Variants in LRRC40 observed in about 807,000 individuals in gnomAD.
The protein encoded by LRRC40 is leucine-rich repeat-containing protein 40.
LRRC40 carries 76 observed loss-of-function variants against 72.8 expected under a neutral mutation model. The ratio of observed to expected loss-of-function variants is 1.04; its 90% CI spans 0.87 to 1.26. The LOEUF is 1.26. Ranked by LOEUF, LRRC40 falls within the 50% of genes most tolerant of loss-of-function variation. The pLI is 0.00. For missense variants in LRRC40, 684 were observed against 698.9 expected (o/e 0.98, Z 0.24); for synonymous variants, 243 against 254.2 (o/e 0.96, Z 0.42).
At position 70,205,552 on chromosome 1, in the gene LRRC40, T is replaced by G. The variant is rs754961121; in HGVS notation, c.-12A>C. The G allele has an allele frequency of 1.3e-6, 2 of 1,583,626 alleles. No homozygotes were observed. Among genetic ancestry groups the G allele is most frequent in the East Asian group, 2.3e-5 (1 of 44,150 alleles). ...TTCAGGCGCGACATGTTCAAAGTCC[T>G]AGGTCCAGAAGCTGCAGCCCCACCC... On this transcript the variant is annotated 5_prime_UTR_variant, in exon 1 of 15. Coordinates refer to ENST00000370952, the MANE Select transcript of LRRC40 (RefSeq NM_017768.5).
chr1:70,149,735 G>A (rs1351506437), intron 13 of LRRC40, among the ~76,000 whole-genome samples: 1 of 152,056 alleles, frequency 6.6e-6, no homozygotes, highest in Non-Finnish European at 1.5e-5. Context: ...TAATGGAGCA[G>A]ACAGAAGAAA....
In LRRC40 at chr1:70,159,386, T is replaced by C. The variant is rs17266340; in HGVS notation, c.1164A>G (p.Pro388=). The change falls in exon 10 of 15, where the codon CCA becomes CCG. Residue 388 remains proline (P), a synonymous_variant. Transcript: ENST00000370952. ...ESATETAMTL[P]SESRVNIHAI... ...CATGTATATTGACTCTGGATTCACT[T>C]GGTAGTGTCATGGCAGTCTCAGTAG... 0.041 allele frequency: 64,723 copies of C among 1,596,322 alleles called. 1,552 individuals carry two copies. The highest frequency in any genetic ancestry group is 0.048 in the Non-Finnish European group (55,829 of 1,167,480).
intron 9 of LRRC40, among the ~76,000 whole-genome samples, chr1:70,169,466 T>C (rs1357042750): frequency 1.3e-5 from 2 of 151,110 alleles, no homozygotes; most frequent in African/African-American, 4.9e-5. Context: ...ATTAATGAAA[T>C]AGAGAACAGA....
rs1668911880 is a variant in LRRC40, at chr1:70,205,303, C to T, written c.151+87G>A. 8 of 1,325,652 alleles carry T rather than the reference C, an allele frequency of 6.0e-6. 1 individual carries two copies. Among genetic ancestry groups the T allele is most frequent in the Non-Finnish European group, 8.2e-6 (8 of 978,368 alleles). The allele number at this position is 1,325,652 out of a possible 1,614,324, so 82.1% of individuals were successfully genotyped here. A position where few individuals can be genotyped will look rare whatever the true frequency, so the allele number is the denominator to read the frequency against. ...CTGGCTAGCAGTCTGAGAAAGGGGG[C>T]CAAAGCCAGCCCAGAGAAAAGGGAG... On this transcript the variant is annotated intron_variant, in intron 1 of 14. Transcript: ENST00000370952.
chr1:70,164,346 C>T lies in LRRC40; in HGVS notation c.1112-4908G>A, dbSNP rs559604539. 1.5e-3 allele frequency among the ~76,000 whole-genome samples: 231 copies of T among 151,948 alleles called. 3 individuals carry two copies. The Middle Eastern group carries it at 0.017, about 11-fold the overall frequency. ...CAAAGGTTGCAGTGAGCCGAGATCGCGACATTGCACTCCAACCTGGGCAAC... is the reference window on the plus strand; with the variant it reads ...CAAAGGTTGCAGTGAGCCGAGATCGTGACATTGCACTCCAACCTGGGCAAC... On this transcript the variant is annotated intron_variant, in intron 9 of 14. Transcript: ENST00000370952.
intron 3 of LRRC40, among the ~76,000 whole-genome samples, chr1:70,185,658 C>T (rs1204454392): frequency 6.6e-6 from 1 of 152,170 alleles, no homozygotes; most frequent in Non-Finnish European, 1.5e-5. Flanking sequence ...ACATATACCA[C>T]AATGGAGTTA....
chr1:70,155,711 G>T lies in LRRC40; in HGVS notation c.1306C>A (p.Gln436Lys), dbSNP rs374870819. The change falls in exon 11 of 15, where the codon CAA (glutamine) becomes AAA (lysine). Residue 436 changes from glutamine to lysine, a missense_variant. By Grantham distance (53) the Gln-to-Lys change is moderately conservative. Transcript: ENST00000370952. ...TACCTTTTTGGAATTTCACATAGTT[G>T]ATTCTTACTGAAGTTAATAGAAGTG... ...IVTSINFSKN[Q>K]LCEIPKRMVE... is the part of the protein sequence containing the mutation. 9.7e-6 allele frequency: 15 copies of T among 1,553,456 alleles called. No homozygotes were observed. The African/African-American group carries it at 1.9e-4, about 20-fold the overall frequency.
At chr1:70,197,653 T>C (rs191854841) in intron 1 of LRRC40, among the ~76,000 whole-genome samples, 1 of 150,210 alleles carries the variant, frequency 6.7e-6, no homozygotes, top group Admixed American at 6.7e-5. Flanking sequence ...CAGCTAAATA[T>C]AGAAATGAGG....
chr1:70,156,982 G>GT (rs1416591362), intron 10 of LRRC40, among the ~76,000 whole-genome samples: 5 of 151,998 alleles, frequency 3.3e-5, no homozygotes, highest in African/African-American at 9.7e-5. Flanking sequence ...AGATTTAACT[G>GT]TTTTTTTAAT....
chr1:70,147,600 T>G (rs1057144436), intron 14 of LRRC40, among the ~76,000 whole-genome samples: 1 of 152,098 alleles, frequency 6.6e-6, no homozygotes, highest in Admixed American at 6.5e-5. Flanking sequence ...CCAGAAGCAA[T>G]AGGTCAGTAT....
At chr1:70,162,409 T>C (rs573929145) in intron 9 of LRRC40, among the ~76,000 whole-genome samples, 56 of 152,196 alleles carry the variant, frequency 3.7e-4, no homozygotes, top group African/African-American at 1.3e-3. Context: ...CACCCTAACA[T>C]GGGAACTTGT....
chr1:70,153,016 A>T (rs1482928523), intron 11 of LRRC40, among the ~76,000 whole-genome samples: 1 of 152,182 alleles, frequency 6.6e-6, no homozygotes, highest in Non-Finnish European at 1.5e-5. Context: ...TTTCTAAGTA[A>T]GCCTAATCAA....
chr1:70,162,120 A>AT (rs1667777913), intron 9 of LRRC40, among the ~76,000 whole-genome samples: 1 of 151,882 alleles, frequency 6.6e-6, no homozygotes, highest in African/African-American at 2.4e-5. Context: ...TTAACGTTTG[A>AT]TTTTATTATC....
At chr1:70,193,030 A>T (rs2100339454) in intron 1 of LRRC40, among the ~76,000 whole-genome samples, 1 of 152,238 alleles carries the variant, frequency 6.6e-6, no homozygotes, top group Admixed American at 6.5e-5. Flanking sequence ...AGTTTTAATA[A>T]TTATCAGCAC....
chr1:70,151,071 A>G (rs1308384006), intron 13 of LRRC40, 57 bp downstream of exon 13: 5 of 977,042 alleles, frequency 5.1e-6, no homozygotes, highest in South Asian at 3.2e-5. Flanking sequence ...GTTTTCTCCA[A>G]TGAGAAAGAT....
intron 1 of LRRC40, among the ~76,000 whole-genome samples, chr1:70,193,169 G>A (rs762161411): frequency 1.3e-5 from 2 of 151,750 alleles, no homozygotes; most frequent in Non-Finnish European, 2.9e-5. Context: ...GGAAATCAAT[G>A]AGAGAGAAAC....
At chr1:70,182,279 T>C (rs1668263291) in intron 4 of LRRC40, among the ~76,000 whole-genome samples, 1 of 151,954 alleles carries the variant, frequency 6.6e-6, no homozygotes, top group South Asian at 2.1e-4. Context: ...TAACACTAAA[T>C]GCAATGTGGT....
chr1:70,204,195 T>C lies in LRRC40; in HGVS notation c.151+1195A>G, dbSNP rs185199059. 2.0e-3 allele frequency among the ~76,000 whole-genome samples: 303 copies of C among 152,378 alleles called. 1 individual carries two copies. Among genetic ancestry groups the C allele is most frequent in the African/African-American group, 7.0e-3 (293 of 41,596 alleles). ...TTGAGAATACTCATTCACTTACTTA[T>C]TGCTTCCGCAAAATTTAATAAGACT... On this transcript the variant is annotated intron_variant, in intron 1 of 14. Transcript: ENST00000370952.
rs563503062 is a variant in LRRC40, at chr1:70,168,505, A to G, written c.1111+4960T>C. 2.6e-3 allele frequency among the ~76,000 whole-genome samples: 398 copies of G among 152,346 alleles called. 2 individuals carry two copies. The highest frequency in any genetic ancestry group is 3.8e-3 in the Non-Finnish European group (261 of 68,028). Reference sequence around the variant, plus strand: ...CAAAGATTTTGCCTGGGGGAGAAACAGGTCATAAAAACAGTTCCTAATCTC... The same window carrying G: ...CAAAGATTTTGCCTGGGGGAGAAACGGGTCATAAAAACAGTTCCTAATCTC... On this transcript the variant is annotated intron_variant, in intron 9 of 14. Transcript: ENST00000370952.
Sources: allele counts gnomAD v4.1 joint callset (sites outside exome capture counted in the v4.1 genomes callset), GRCh38; gene constraint gnomAD v4.1.1; transcripts MANE v1.5; gene names NCBI Gene and HGNC (gene_info 2026-07-23, HGNC 2026-07-21).